The following TNFRSF21 variants were observed in gnomAD, a reference collection of about 807,000 sequenced individuals.
The protein encoded by TNFRSF21 is tumor necrosis factor receptor superfamily member 21.
A neutral mutation model predicts 45.6 loss-of-function variants in TNFRSF21; 19 were observed. That is an observed-to-expected ratio of 0.42 (90% CI 0.29 to 0.61). The LOEUF (loss-of-function observed/expected upper bound fraction) is 0.61. TNFRSF21 is among the 20% of genes least tolerant of loss of function. TNFRSF21 has a pLI of 0.23. For missense variants in TNFRSF21, 737 were observed against 851.5 expected (o/e 0.87, Z 1.67); for synonymous variants, 314 against 335.5 (o/e 0.94, Z 0.70).
chr6:47,281,075 A>G (rs1582346221), intron 3 of TNFRSF21, among the ~76,000 whole-genome samples: 1 of 152,148 alleles, frequency 6.6e-6, no homozygotes, highest in African/African-American at 2.4e-5. Flanking sequence ...AAAAAAAAGT[A>G]TATTATCTAC....
intron 4 of TNFRSF21, among the ~76,000 whole-genome samples, chr6:47,247,187 A>T (rs1764836142): frequency 6.6e-6 from 1 of 152,222 alleles, no homozygotes; most frequent in Non-Finnish European, 1.5e-5. Context: ...CGCAATGACA[A>T]CTTTAAACAC....
rs771730585 is a variant in TNFRSF21 at position 47,286,100 on chromosome 6, C to T, written c.592G>A (p.Val198Met). The T allele has an allele frequency of 6.2e-7, 1 of 1,614,200 alleles. No individual in the cohort carries two copies. Among genetic ancestry groups the T allele is most frequent in the Non-Finnish European group, 8.5e-7 (1 of 1,180,042 alleles). ...TCCTTGGTCCCCGGCTTGATCACCA[C>T]CAGGTTCTGACTCAGACAGTCTGTG... ...AYTDCLSQNL[V>M]VIKPGTKETD... Residue 198 changes from valine (V) to methionine (M), a missense_variant, in exon 2 of 6, where the codon GTG becomes ATG. By Grantham distance (21) the Val-to-Met change is conservative. Transcript: ENST00000296861.
At chr6:47,240,674 G>A (rs1764731190) in intron 4 of TNFRSF21, among the ~76,000 whole-genome samples, 1 of 152,118 alleles carries the variant, frequency 6.6e-6, no homozygotes, top group African/African-American at 2.4e-5. Context: ...GGCATTGCCC[G>A]AGCCCCTCCG....
At chr6:47,246,381 C>T (rs575717487) in intron 4 of TNFRSF21, among the ~76,000 whole-genome samples, 1 of 152,326 alleles carries the variant, frequency 6.6e-6, no homozygotes, top group South Asian at 2.1e-4. Flanking sequence ...TGGGCATTTA[C>T]ACTCACCTCT....
Position 47,253,429 on chromosome 6 carries a change from C to T in TNFRSF21, c.1336G>A (p.Ala446Thr). 1.2e-6 allele frequency: 2 copies of T among 1,614,196 alleles called. No individual in the cohort carries two copies. Among genetic ancestry groups the T allele is most frequent in the Middle Eastern group, 3.3e-4 (2 of 6,062 alleles). Residue 446 changes from alanine to threonine, a missense_variant, in exon 4 of 6, where the codon GCT becomes ACT. Coordinates refer to ENST00000296861, the MANE Select transcript of TNFRSF21 (RefSeq NM_014452.5). ...FLCNASEREV[A>T]AFSNGYTADH... ...GCTGTGTACCCATTGGAGAAAGCAG[C>T]AACCTCCCTCTCACTGGCATTGCAA...
intron 3 of TNFRSF21, among the ~76,000 whole-genome samples, chr6:47,266,119 A>T (rs1582333308): frequency 6.6e-6 from 1 of 152,272 alleles, no homozygotes; most frequent in Non-Finnish European, 1.5e-5. Flanking sequence ...CACTCCTATG[A>T]TTGCACTGCA....
chr6:47,296,411 G>C (rs1169854289), intron 1 of TNFRSF21, among the ~76,000 whole-genome samples: 1 of 152,094 alleles, frequency 6.6e-6, no homozygotes, highest in Non-Finnish European at 1.5e-5. Flanking sequence ...CTGGTTTCTG[G>C]TGCACAATTC....
chr6:47,301,486 G>C (rs1762864047), intron 1 of TNFRSF21, among the ~76,000 whole-genome samples: 1 of 152,200 alleles, frequency 6.6e-6, no homozygotes, highest in Non-Finnish European at 1.5e-5. Flanking sequence ...GATATAGTTA[G>C]GATGTATGTC....
At chr6:47,278,435 C>T (rs904742913) in intron 3 of TNFRSF21, among the ~76,000 whole-genome samples, 17 of 152,172 alleles carry the variant, frequency 1.1e-4, no homozygotes, top group African/African-American at 3.6e-4. Context: ...AAGCTATGTG[C>T]GGCTACTGAG....
At chr6:47,264,021 A>G (rs986706107) in intron 3 of TNFRSF21, among the ~76,000 whole-genome samples, 2 of 152,248 alleles carry the variant, frequency 1.3e-5, no homozygotes, top group Non-Finnish European at 2.9e-5. Flanking sequence ...CATGAAGAAC[A>G]TCAGCAGAAT....
intron 4 of TNFRSF21, among the ~76,000 whole-genome samples, chr6:47,239,646 T>C (rs1288223268): frequency 6.6e-6 from 1 of 152,012 alleles, no homozygotes; most frequent in East Asian, 1.9e-4. Context: ...AAAATCAAAG[T>C]CATGAAAATC....
In TNFRSF21 at chr6:47,232,511, C is replaced by T. The variant is rs1764597873; in HGVS notation, c.*254G>A. The T allele has an allele frequency of 4.7e-6, 2 of 428,038 alleles. No homozygotes were observed. The highest frequency in any genetic ancestry group is 2.0e-5 in the African/African-American group (1 of 48,912). The allele number at this position is 428,038 out of a possible 1,614,324, so 26.5% of individuals were successfully genotyped here. ...AAAAACTTTAGTGGTGGGTATTTCA[C>T]AACAGTTACACCTGGCAAAGGCTTA... On this transcript the variant is annotated 3_prime_UTR_variant, in exon 6 of 6. Coordinates refer to ENST00000296861, the MANE Select transcript of TNFRSF21 (RefSeq NM_014452.5).
intron 1 of TNFRSF21, among the ~76,000 whole-genome samples, chr6:47,290,248 C>T (rs573400223): frequency 2.6e-5 from 4 of 152,068 alleles, no homozygotes; most frequent in African/African-American, 9.7e-5. Flanking sequence ...GAGCGGTGGT[C>T]GGCGATGAAT....
chr6:47,283,923 A>G lies in TNFRSF21; in HGVS notation c.1243+15T>C, dbSNP rs1762607225. On this transcript the variant is annotated intron_variant, in intron 3 of 5. Transcript: ENST00000296861. Reference sequence around the variant, plus strand: ...AGAGAGATCTGTGAGCAAGGAGAGAAGAGAGAAGGCTCACCATGGCCATTG... The same window carrying G: ...AGAGAGATCTGTGAGCAAGGAGAGAGGAGAGAAGGCTCACCATGGCCATTG... 1 of 1,605,580 alleles carries G rather than the reference A, an allele frequency of 6.2e-7. No homozygotes were observed. The highest frequency in any genetic ancestry group is 8.5e-7 in the Non-Finnish European group (1 of 1,176,044).
At chr6:47,251,527 C>T (rs561246143) in intron 4 of TNFRSF21, among the ~76,000 whole-genome samples, 3 of 152,302 alleles carry the variant, frequency 2.0e-5, no homozygotes, top group African/African-American at 4.8e-5. Context: ...CATGCACTCT[C>T]ACCTTCTTAT....
chr6:47,262,821 G>T (rs1359426658), intron 3 of TNFRSF21, among the ~76,000 whole-genome samples: 1 of 152,138 alleles, frequency 6.6e-6, no homozygotes, highest in African/African-American at 2.4e-5. Flanking sequence ...CGCAGAGAGA[G>T]AAAAAATTGG....
chr6:47,242,976 C>G (rs1764769600), intron 4 of TNFRSF21, among the ~76,000 whole-genome samples: 1 of 152,190 alleles, frequency 6.6e-6, no homozygotes, highest in Non-Finnish European at 1.5e-5. Context: ...CTTTTTAAAG[C>G]TTGCCATAAG....
At chr6:47,293,980 T>C (rs1762763306) in intron 1 of TNFRSF21, among the ~76,000 whole-genome samples, 1 of 152,232 alleles carries the variant, frequency 6.6e-6, no homozygotes, top group Non-Finnish European at 1.5e-5. Context: ...TCTATTTCAC[T>C]TACTGGTGCT....
chr6:47,287,326 A>G (rs972407507), intron 1 of TNFRSF21, among the ~76,000 whole-genome samples: 4 of 149,958 alleles, frequency 2.7e-5, no homozygotes, highest in Admixed American at 2.7e-4. Flanking sequence ...AAAAAAAAAA[A>G]AAAAAAAAGA....
Sources: gnomAD v4.1 joint callset for allele counts (sites outside exome capture counted in the v4.1 genomes callset) on GRCh38, gnomAD v4.1.1 for gene constraint, MANE v1.5 for transcripts, NCBI Gene and HGNC (gene_info 2026-07-23, HGNC 2026-07-21) for gene names.